Variants in PNPT1 observed in about 807,000 individuals in gnomAD.
PNPT1 encodes polyribonucleotide nucleotidyltransferase 1.
Under a neutral mutation model 119.5 loss-of-function variants are expected in PNPT1, and 53 were observed. That is an observed-to-expected ratio of 0.44 (90% CI 0.36 to 0.56). The LOEUF (loss-of-function observed/expected upper bound fraction) is 0.56, where lower values mean the gene tolerates loss of function less well. Ranked by LOEUF, PNPT1 falls within the 20% of genes least tolerant of loss-of-function variation. The pLI is 0.00. For missense variants in PNPT1, 948 were observed against 938.5 expected (o/e 1.01, Z -0.13); for synonymous variants, 357 against 322.1 (o/e 1.11, Z -1.16).
At position 55,644,650 on chromosome 2, in the gene PNPT1, A is replaced by C. The variant is rs1695931350; in HGVS notation, c.1893T>G (p.Leu631=). The change falls in exon 23 of 28, where the codon CTT becomes CTG. Residue 631 remains leucine, a synonymous_variant. Transcript: ENST00000447944. ...VGPGGYNLKK[L]QAETGVTISQ... ...TACAACTCTTACCTGTTTCAGCCTGAAGTTTTTTTAAGTTATAGCCACCAG... is the reference window on the plus strand; with the variant it reads ...TACAACTCTTACCTGTTTCAGCCTGCAGTTTTTTTAAGTTATAGCCACCAG... The C allele has an allele frequency of 1.2e-6, 2 of 1,608,720 alleles. No individual in the cohort carries two copies. Among genetic ancestry groups the C allele is most frequent in the Non-Finnish European group, 1.7e-6 (2 of 1,175,452 alleles).
At position 55,693,840 on chromosome 2, in the gene PNPT1, T is replaced by C. The variant is rs908301712; in HGVS notation, c.-17A>G. ...GGCCGCCATGACACCCGGCACGCGG[T>C]CAACGCAGGCTGTGCCCTGATTGGC... On this transcript the variant is annotated 5_prime_UTR_variant, in exon 1 of 28. Transcript: ENST00000447944. 1 of 1,612,086 alleles carries C rather than the reference T, an allele frequency of 6.2e-7. No individual in the cohort carries two copies. Among genetic ancestry groups the C allele is most frequent in the African/African-American group, 1.3e-5 (1 of 74,932 alleles).
chr2:55,671,464 T>C lies in PNPT1; in HGVS notation c.919-88A>G. 2.8e-6 allele frequency: 2 copies of C among 718,542 alleles called. 1 individual carries two copies. Among genetic ancestry groups the C allele is most frequent in the South Asian group, 5.1e-5 (2 of 38,956 alleles). The allele number at this position is 718,542 out of a possible 1,614,324, so 44.5% of individuals were successfully genotyped here. On this transcript the variant is annotated intron_variant, in intron 10 of 27. Transcript: ENST00000447944. Reference sequence around the variant, plus strand: ...TAATTATTATACAATGAACACATTGTGAATTACTCTGATTTCTTTAATATT... The same window carrying C: ...TAATTATTATACAATGAACACATTGCGAATTACTCTGATTTCTTTAATATT...
chr2:55,673,648 C>T (rs1008873385), intron 8 of PNPT1, among the ~76,000 whole-genome samples: 1 of 152,004 alleles, frequency 6.6e-6, no homozygotes, highest in South Asian at 2.1e-4. Context: ...TGGGGTTTCA[C>T]TGTGTTAGCC....
intron 19 of PNPT1, 28 bp downstream of exon 19, chr2:55,647,319 A>G: frequency 2.7e-6 from 4 of 1,495,386 alleles, no homozygotes; most frequent in Non-Finnish European, 2.7e-6. Flanking sequence ...CTTCATTATT[A>G]AATATTTGAA....
At chr2:55,641,844 G>A (rs1417506071) in intron 25 of PNPT1, among the ~76,000 whole-genome samples, 1 of 149,244 alleles carries the variant, frequency 6.7e-6, no homozygotes, top group Non-Finnish European at 1.5e-5. Flanking sequence ...GACTGAAATT[G>A]GCTTTTTTTT....
intron 27 of PNPT1, 44 bp from the exon 28 acceptor site, chr2:55,636,436 G>T (rs749903915): frequency 4.4e-6 from 7 of 1,589,418 alleles, no homozygotes; most frequent in Non-Finnish European, 6.0e-6. Context: ...ACAGCACATT[G>T]AGTGACATCT....
intron 13 of PNPT1, among the ~76,000 whole-genome samples, chr2:55,666,355 C>T (rs2104104823): frequency 6.6e-6 from 1 of 152,262 alleles, no homozygotes; most frequent in South Asian, 2.1e-4. Context: ...AACTCCTGGC[C>T]TCAAGCAATC....
intron 5 of PNPT1, 67 bp from the exon 6 acceptor site, chr2:55,680,985 C>T: frequency 7.7e-7 from 1 of 1,301,360 alleles, no homozygotes; most frequent in Non-Finnish European, 1.1e-6. Flanking sequence ...ACCTAAAATA[C>T]AAGAGCACTA....
At chr2:55,657,801 C>A (rs1696434513) in intron 15 of PNPT1, among the ~76,000 whole-genome samples, 1 of 124,348 alleles carries the variant, frequency 8.0e-6, no homozygotes, top group Non-Finnish European at 1.6e-5. Context: ...TCAGCAACAC[C>A]CAGACTGTGG....
chr2:55,681,026 A>T (rs949480866), intron 5 of PNPT1, 108 bp from the exon 6 acceptor site: 2 of 843,182 alleles, frequency 2.4e-6, no homozygotes, highest in Non-Finnish European at 3.8e-6. Context: ...TTGTAGCCAA[A>T]CCTCTTAATT....
chr2:55,672,937 C>T lies in PNPT1; in HGVS notation c.822G>A (p.Gln274=). The T allele has an allele frequency of 6.2e-7, 1 of 1,612,886 alleles. No homozygotes were observed. The highest frequency in any genetic ancestry group is 8.5e-7 in the Non-Finnish European group (1 of 1,179,680). ...KETGVTKRTP[Q]KLFTPSPEIV... is the part of the protein sequence containing the mutation. ...TCTCTGGCGAAGGGGTAAATAACTT[C>T]TGAGGTGTCCTCTTGGTAACACCAG... Residue 274 remains glutamine (Q), a synonymous_variant, in exon 9 of 28, where the codon CAG becomes CAA. Transcript: ENST00000447944.
intron 19 of PNPT1, among the ~76,000 whole-genome samples, chr2:55,647,089 AGGCATGAGTCACT>A (rs1696027697): frequency 1.3e-5 from 2 of 152,154 alleles, no homozygotes; most frequent in South Asian, 4.1e-4. Flanking sequence ...CTGGGATTAC[AGGCATGAGTCACT>A]GTGCCTGGCC....
intron 3 of PNPT1, among the ~76,000 whole-genome samples, chr2:55,685,522 C>A (rs962932886): frequency 6.7e-6 from 1 of 149,956 alleles, no homozygotes; most frequent in African/African-American, 2.4e-5. Context: ...CAGAGCAAGA[C>A]CCTGTCTCTT....
At chr2:55,664,168 A>C (rs1276287369) in intron 13 of PNPT1, among the ~76,000 whole-genome samples, 1 of 152,250 alleles carries the variant, frequency 6.6e-6, no homozygotes, top group African/African-American at 2.4e-5. Context: ...TGATTGTATG[A>C]AAGTTATAAC....
chr2:55,674,013 G>A (rs935837336), intron 8 of PNPT1, among the ~76,000 whole-genome samples: 4 of 152,116 alleles, frequency 2.6e-5, no homozygotes, highest in African/African-American at 4.8e-5. Flanking sequence ...GTGAGCCACC[G>A]CTCCTGGCAA....
At chr2:55,647,722 C>T (rs1402035839) in intron 18 of PNPT1, among the ~76,000 whole-genome samples, 1 of 151,984 alleles carries the variant, frequency 6.6e-6, no homozygotes, top group Non-Finnish European at 1.5e-5. Flanking sequence ...GGGTTTCAAC[C>T]ATGTTGGCCC....
rs774387774 is a variant in PNPT1, at chr2:55,647,351, A to G, written c.1598T>C (p.Ile533Thr). The G allele has an allele frequency of 1.9e-6, 3 of 1,601,598 alleles. No individual in the cohort carries two copies. Among genetic ancestry groups the G allele is most frequent in the Admixed American group, 1.7e-5 (1 of 58,452 alleles). ...EIEDYRLLTD[I>T]LGIEDYNGDM... ...TGAAACCGAGAATATACTTGCCAAAATATCTGTCAGCAAACGATAATCTTC... is the reference window on the plus strand; with the variant it reads ...TGAAACCGAGAATATACTTGCCAAAGTATCTGTCAGCAAACGATAATCTTC... The change falls in exon 19 of 28, where the codon ATT becomes ACT. Residue 533 changes from isoleucine to threonine, a missense_variant. By Grantham distance (89) the Ile-to-Thr change is moderately conservative. Coordinates refer to ENST00000447944, the MANE Select transcript of PNPT1 (RefSeq NM_033109.5).
At chr2:55,643,018 G>A in intron 25 of PNPT1, 140 bp downstream of exon 25, 1 of 808,368 alleles carries the variant, frequency 1.2e-6, no homozygotes. Context: ...GGAGGCTGAG[G>A]TGGGAGAACT....
intron 5 of PNPT1, among the ~76,000 whole-genome samples, chr2:55,683,576 G>A (rs1697310970): frequency 7.0e-6 from 1 of 143,508 alleles, no homozygotes; most frequent in South Asian, 2.2e-4. Context: ...TCGTGCCATT[G>A]CACTCCAGCC....
Sources: gnomAD v4.1 joint callset for allele counts (sites outside exome capture counted in the v4.1 genomes callset) on GRCh38, gnomAD v4.1.1 for gene constraint, MANE v1.5 for transcripts, NCBI Gene and HGNC (gene_info 2026-07-23, HGNC 2026-07-21) for gene names.